Variants in STOX1 observed in about 807,000 individuals in gnomAD.
STOX1 encodes storkhead box 1.
A neutral mutation model predicts 74.8 loss-of-function variants in STOX1; 57 were observed. The observed-to-expected ratio is 0.76, with a 90% CI of 0.62 to 0.95. The LOEUF (loss-of-function observed/expected upper bound fraction) is 0.95. STOX1 is among the 40% of genes least tolerant of loss of function. STOX1 has a pLI of 0.00. For synonymous variants in STOX1, 375 were observed against 401.3 expected (o/e 0.93, Z 0.78); for missense variants, 1,010 against 1,117.0 (o/e 0.90, Z 1.37).
At chr10:68,881,933 C>G (rs535033195) in intron 1 of STOX1, 25 bp from the exon 2 acceptor site, 1 of 1,613,434 alleles carries the variant, frequency 6.2e-7, no homozygotes, top group African/African-American at 1.3e-5. Flanking sequence ...ACCCCCTCCC[C>G]CTTTTTTTTA....
intron 1 of STOX1, among the ~76,000 whole-genome samples, chr10:68,840,499 G>T (rs1380095781): frequency 6.6e-6 from 1 of 151,816 alleles, no homozygotes; most frequent in African/African-American, 2.4e-5. Flanking sequence ...GATTACAGGC[G>T]TGAGCCACTG....
chr10:68,884,234 A>T, intron 2 of STOX1, 26 bp from the exon 3 acceptor site: 1 of 1,610,136 alleles, frequency 6.2e-7, no homozygotes, highest in Non-Finnish European at 8.5e-7. Flanking sequence ...TTCAAAATCT[A>T]TCTGTAAAAT....
intron 1 of STOX1, among the ~76,000 whole-genome samples, chr10:68,858,891 G>A (rs974598216): frequency 6.6e-6 from 1 of 152,038 alleles, no homozygotes; most frequent in Non-Finnish European, 1.5e-5. Context: ...TGTATAGTCT[G>A]GGCTAAATGG....
intron 1 of STOX1, among the ~76,000 whole-genome samples, chr10:68,841,325 C>T (rs948595012): frequency 6.6e-6 from 1 of 152,094 alleles, no homozygotes; most frequent in African/African-American, 2.4e-5. Flanking sequence ...GCTCCTGTAA[C>T]ACATTCACAT....
intron 1 of STOX1, among the ~76,000 whole-genome samples, chr10:68,871,716 G>A (rs2131977511): frequency 6.6e-6 from 1 of 152,298 alleles, no homozygotes; most frequent in African/African-American, 2.4e-5. Flanking sequence ...AGGGAGATGT[G>A]GAGAGGGGCT....
chr10:68,862,567 A>G (rs1840288163), intron 1 of STOX1, among the ~76,000 whole-genome samples: 1 of 152,096 alleles, frequency 6.6e-6, no homozygotes, highest in African/African-American at 2.4e-5. Flanking sequence ...AGCCATTAAT[A>G]GTTTCCACAA....
Position 68,874,463 on chromosome 10 carries a change from A to G in STOX1, c.311-7495A>G, listed in dbSNP as rs140617962. 1.5e-3 allele frequency among the ~76,000 whole-genome samples: 231 copies of G among 152,286 alleles called. 1 individual carries two copies. The highest frequency in any genetic ancestry group is 5.3e-3 in the African/African-American group (220 of 41,564). On this transcript the variant is annotated intron_variant, in intron 1 of 3. Coordinates refer to ENST00000298596, the MANE Select transcript of STOX1 (RefSeq NM_152709.5). ...ATCTTTAAATGTACCTACGATCTGTAAGCCCCTTCAAGATATCCTGCCCTT... is the reference window on the plus strand; with the variant it reads ...ATCTTTAAATGTACCTACGATCTGTGAGCCCCTTCAAGATATCCTGCCCTT...
downstream of STOX1, among the ~76,000 whole-genome samples, chr10:68,894,325 T>C (rs1841155313): frequency 6.6e-6 from 1 of 152,188 alleles, no homozygotes; most frequent in South Asian, 2.1e-4. Flanking sequence ...TCCAAAGTGC[T>C]GGGATTACAG....
At chr10:68,887,599 T>C (rs1359178193) in intron 3 of STOX1, among the ~76,000 whole-genome samples, 32 of 148,566 alleles carry the variant, frequency 2.2e-4, no homozygotes, top group African/African-American at 6.1e-4. Flanking sequence ...TTCTTTCTTT[T>C]TTTTTTTTTT....
intron 1 of STOX1, among the ~76,000 whole-genome samples, chr10:68,853,846 T>C (rs1396295125): frequency 1.3e-5 from 2 of 151,414 alleles, no homozygotes; most frequent in Non-Finnish European, 2.9e-5. Context: ...CCACCATGCG[T>C]GGCTAATTTT....
In STOX1 at chr10:68,845,306, C is replaced by T. The variant is rs1839811416; in HGVS notation, c.310+17373C>T. Among the ~76,000 whole-genome samples, 3 of 138,944 alleles carry T rather than the reference C, an allele frequency of 2.2e-5. No individual in the cohort carries two copies. In the Admixed American group the frequency reaches 2.3e-4, roughly 10 times the overall value. 91.2% of individuals were successfully genotyped at this position (138,944 alleles called of 152,430 possible). ...TTTTTTTTTTTGAGATGGAATCTTG[C>T]TCTGTCACCCAGGCTGGAGTGCAGT... On this transcript the variant is annotated intron_variant, in intron 1 of 3. Coordinates refer to ENST00000298596, the MANE Select transcript of STOX1 (RefSeq NM_152709.5).
At chr10:68,859,688 G>A (rs1269104279) in intron 1 of STOX1, among the ~76,000 whole-genome samples, 1 of 152,018 alleles carries the variant, frequency 6.6e-6, no homozygotes, top group Non-Finnish European at 1.5e-5. Context: ...GGTTAGAGCG[G>A]TGTTTTGTTG....
intron 1 of STOX1, among the ~76,000 whole-genome samples, chr10:68,838,214 G>T (rs1301586828): frequency 6.6e-6 from 1 of 151,904 alleles, no homozygotes; most frequent in Non-Finnish European, 1.5e-5. Flanking sequence ...CTGCAGGCAG[G>T]TGCTACCACA....
chr10:68,880,359 C>T (rs1476921380), intron 1 of STOX1, among the ~76,000 whole-genome samples: 1 of 151,846 alleles, frequency 6.6e-6, no homozygotes, highest in East Asian at 1.9e-4. Flanking sequence ...AAATTTTTAT[C>T]TTTGTAGAGA....
chr10:68,882,076 A>C lies in STOX1; in HGVS notation c.429A>C (p.Glu143Asp). The stretch of plus-strand genomic sequence containing the variant: ...CAGCTCAGATTGTAGTAACGCAGGA[A>C]TCACTTTTGGAGCGTTTGATGAAAC... The part of the protein sequence containing the change: ...MNTAQIVVTQ[E>D]SLLERLMKHY... Residue 143 changes from glutamate to aspartate, a missense_variant, in exon 2 of 4, where the codon GAA (glutamate) becomes GAC (aspartate). Transcript: ENST00000298596. The C allele has an allele frequency of 1.2e-6, 2 of 1,613,956 alleles. No individual in the cohort carries two copies. The highest frequency in any genetic ancestry group is 1.3e-5 in the African/African-American group (1 of 75,048).
intron 1 of STOX1, among the ~76,000 whole-genome samples, chr10:68,863,240 CAAT>C (rs1227376591): frequency 6.6e-6 from 1 of 151,984 alleles, no homozygotes; most frequent in East Asian, 1.9e-4. Flanking sequence ...AAATATGCCC[CAAT>C]AGTAGAATTG....
At chr10:68,865,042 C>T (rs1194577715) in intron 1 of STOX1, among the ~76,000 whole-genome samples, 1 of 151,302 alleles carries the variant, frequency 6.6e-6, no homozygotes, top group South Asian at 2.1e-4. Context: ...TAAACCGGCA[C>T]AAGAAACCAA....
At chr10:68,829,381 G>A (rs952504094) in intron 1 of STOX1, among the ~76,000 whole-genome samples, 6 of 152,164 alleles carry the variant, frequency 3.9e-5, no homozygotes, top group Non-Finnish European at 2.9e-5. Context: ...CCGGGGCGTG[G>A]TGGCAGGTTC....
intron 1 of STOX1, among the ~76,000 whole-genome samples, chr10:68,839,688 G>C (rs564620172): frequency 6.6e-6 from 1 of 152,258 alleles, no homozygotes; most frequent in African/African-American, 2.4e-5. Flanking sequence ...TCAGGAGTTT[G>C]AGACCAGCCT....
Sources: gnomAD v4.1 joint callset for allele counts (sites outside exome capture counted in the v4.1 genomes callset) on GRCh38, gnomAD v4.1.1 for gene constraint, MANE v1.5 for transcripts, NCBI Gene and HGNC (gene_info 2026-07-23, HGNC 2026-07-21) for gene names.